Variants in SLC35G2 observed in about 807,000 individuals in gnomAD.
SLC35G2 encodes the protein solute carrier family 35 member G2, also known as transmembrane protein 22.
Under a neutral mutation model 27.2 loss-of-function variants are expected in SLC35G2, and 20 were observed. The ratio of observed to expected loss-of-function variants is 0.74; its 90% CI spans 0.52 to 1.07. SLC35G2 has a LOEUF of 1.07. Among genes scored for constraint, SLC35G2 ranks in the 50% least tolerant of loss-of-function variants. The pLI is 0.00. For synonymous variants in SLC35G2, 148 were observed against 165.3 expected (o/e 0.90, Z 0.80); for missense variants, 416 against 493.3 (o/e 0.84, Z 1.48).
Position 136,819,586 on chromosome 3 carries a change from G to T in SLC35G2, c.-61G>T, listed in dbSNP as rs1016410500. The T allele has an allele frequency of 1.3e-5, 2 of 152,282 alleles. No individual in the cohort carries two copies. Among genetic ancestry groups the T allele is most frequent in the African/African-American group, 4.8e-5 (2 of 41,468 alleles). 9.4% of individuals were successfully genotyped at this position (152,282 alleles called of 1,614,324 possible). On this transcript the variant is annotated 5_prime_UTR_variant, in exon 1 of 2. Coordinates refer to ENST00000446465, the MANE Select transcript of SLC35G2 (RefSeq NM_025246.3). ...TGCAGCGTCCATGATGAAGGCCAGG[G>T]GCTGTTGCTTTCCTCTCGCCCAGTA...
Position 136,855,005 on chromosome 3 carries a change from C to T in SLC35G2, c.545C>T (p.Ala182Val). The change falls in exon 2 of 2, where the codon GCT becomes GTT. Residue 182 changes from alanine to valine, a missense_variant. Transcript: ENST00000446465. The stretch of plus-strand genomic sequence containing the variant: ...TGCAATGTCATTTCTATCACTTGTG[C>T]TTATACATCATTTTCAATAGTTCCT... The part of the protein sequence containing the change: ...GVCNVISITC[A>V]YTSFSIVPPS... 6.2e-7 allele frequency: 1 copy of T among 1,614,144 alleles called. No homozygotes were observed. The highest frequency in any genetic ancestry group is 8.5e-7 in the Non-Finnish European group (1 of 1,180,028).
intron 1 of SLC35G2, among the ~76,000 whole-genome samples, chr3:136,828,577 G>A (rs2107999020): frequency 1.3e-5 from 2 of 152,110 alleles, no homozygotes; most frequent in South Asian, 4.1e-4. Flanking sequence ...GGTTTTCATT[G>A]GCGTGGAATA....
At chr3:136,848,596 G>A (rs958536571) in intron 1 of SLC35G2, among the ~76,000 whole-genome samples, 5 of 152,158 alleles carry the variant, frequency 3.3e-5, no homozygotes, top group Non-Finnish European at 7.3e-5. Context: ...AGCCATCATA[G>A]TCATAAAAAA....
intron 1 of SLC35G2, among the ~76,000 whole-genome samples, chr3:136,823,033 G>A (rs1214384214): frequency 6.6e-6 from 1 of 152,166 alleles, no homozygotes; most frequent in Non-Finnish European, 1.5e-5. Context: ...CACCAACAAT[G>A]TGTGAGAGTT....
chr3:136,854,624 A>AAGGT lies in SLC35G2; in HGVS notation c.165_168dup (p.Leu57ArgfsTer5). 6.2e-7 allele frequency: 1 copy of AAGGT among 1,613,142 alleles called. No individual in the cohort carries two copies. The highest frequency in any genetic ancestry group is 2.2e-5 in the East Asian group (1 of 44,870). On this transcript the variant is annotated frameshift_variant, in exon 2 of 2. Coordinates refer to ENST00000446465, the MANE Select transcript of SLC35G2 (RefSeq NM_025246.3). LOFTEE classifies it high-confidence loss of function. The stretch of plus-strand genomic sequence containing the variant: ...AATTTTATGGAGGAAAATCCAAAGA[A>AAGGT]AGGTCTGCTGAGTGAAATGAAAAAA...
intron 1 of SLC35G2, chr3:136,820,219 G>C (rs964145036): frequency 2.0e-5 from 3 of 151,990 alleles, no homozygotes; most frequent in African/African-American, 7.3e-5. Flanking sequence ...CCAGAGGGCT[G>C]GGGGTAGGTC....
At chr3:136,832,938 G>A (rs796234398) in intron 1 of SLC35G2, among the ~76,000 whole-genome samples, 21 of 152,108 alleles carry the variant, frequency 1.4e-4, no homozygotes, top group African/African-American at 4.1e-4. Flanking sequence ...GCATGGTGGC[G>A]GGCGCCTGTA....
intron 1 of SLC35G2, among the ~76,000 whole-genome samples, chr3:136,852,053 T>C (rs77568377): frequency 0.013 from 2,008 of 152,296 alleles, 24 homozygotes; most frequent in Non-Finnish European, 0.021. Context: ...ATTTCTAGCT[T>C]GGGGAACTGG....
intron 1 of SLC35G2, among the ~76,000 whole-genome samples, chr3:136,853,429 A>G (rs1414594896): frequency 1.3e-5 from 2 of 152,106 alleles, no homozygotes; most frequent in Non-Finnish European, 2.9e-5. Context: ...ATAGCATAGT[A>G]TTCCATTGTA....
chr3:136,833,203 A>G (rs1343118717), intron 1 of SLC35G2, among the ~76,000 whole-genome samples: 3 of 152,118 alleles, frequency 2.0e-5, no homozygotes, highest in Non-Finnish European at 4.4e-5. Context: ...GAGAATTTAG[A>G]TGAGGAGGGT....
At chr3:136,836,164 A>G (rs1049179577) in intron 1 of SLC35G2, among the ~76,000 whole-genome samples, 4 of 152,088 alleles carry the variant, frequency 2.6e-5, no homozygotes, top group South Asian at 2.1e-4. Flanking sequence ...ATCTATTTAT[A>G]TATCTTTCTG....
In SLC35G2 at chr3:136,855,782, TTA is replaced by T. The variant is rs1194547846; in HGVS notation, c.*88_*89del. ...TGTTTACCTATGAATGTCTTTTGTGTTATATAACTGACAGAGTGCTATAAAAT... is the reference window on the plus strand; with the variant it reads ...TGTTTACCTATGAATGTCTTTTGTGTTATAACTGACAGAGTGCTATAAAAT... On this transcript the variant is annotated 3_prime_UTR_variant, in exon 2 of 2. Coordinates refer to ENST00000446465, the MANE Select transcript of SLC35G2 (RefSeq NM_025246.3). 1 of 1,095,930 alleles carries T rather than the reference TTA, an allele frequency of 9.1e-7. No individual in the cohort carries two copies. Among genetic ancestry groups the T allele is most frequent in the Non-Finnish European group, 1.4e-6 (1 of 730,532 alleles). 67.9% of individuals were successfully genotyped at this position (1,095,930 alleles called of 1,614,324 possible).
chr3:136,845,785 G>A (rs999616276), intron 1 of SLC35G2, among the ~76,000 whole-genome samples: 5 of 151,808 alleles, frequency 3.3e-5, no homozygotes, highest in East Asian at 1.9e-4. Context: ...TAGTAGAGAC[G>A]GGGTTTCACC....
intron 1 of SLC35G2, among the ~76,000 whole-genome samples, chr3:136,850,496 G>A (rs1271901259): frequency 6.6e-6 from 1 of 152,000 alleles, no homozygotes; most frequent in African/African-American, 2.4e-5. Flanking sequence ...TAGGGAAAAT[G>A]AGCCAAATAA....
intron 1 of SLC35G2, among the ~76,000 whole-genome samples, chr3:136,852,850 T>C (rs1445166851): frequency 1.6e-4 from 24 of 151,772 alleles, no homozygotes; most frequent in Admixed American, 1.6e-3. Context: ...AGGAAATTGT[T>C]GAAAGGAAGG....
chr3:136,826,508 G>A lies in SLC35G2; in HGVS notation c.-19+6880G>A, dbSNP rs1936589897. 2.6e-5 allele frequency among the ~76,000 whole-genome samples: 4 copies of A among 152,094 alleles called. No homozygotes were observed. The South Asian group carries it at 8.3e-4, about 32-fold the overall frequency. On this transcript the variant is annotated intron_variant, in intron 1 of 1. Transcript: ENST00000446465. The stretch of plus-strand genomic sequence containing the variant: ...GGATCAATCTTGGTGTTTTATATGT[G>A]TCTAGGAATTTATCCATTTCCTTTG...
intron 1 of SLC35G2, among the ~76,000 whole-genome samples, chr3:136,835,424 C>T (rs1936841200): frequency 6.9e-6 from 1 of 144,704 alleles, no homozygotes; most frequent in African/African-American, 2.6e-5. Flanking sequence ...AAATTGTATT[C>T]TTCCAAATGT....
In SLC35G2 at chr3:136,854,558, C is replaced by T. The variant is rs926935487; in HGVS notation, c.98C>T (p.Pro33Leu). Residue 33 changes from proline to leucine, a missense_variant, in exon 2 of 2, where the codon CCT becomes CTT. Transcript: ENST00000446465. ...AAATATACTTCTCATTATCCCCAGC[C>T]TGGCGATGATGGATATGAAGAAATC... ...MVKYTSHYPQPGDDGYEEINE... is the reference protein window; with the variant it reads ...MVKYTSHYPQLGDDGYEEINE... 9.9e-6 allele frequency: 16 copies of T among 1,612,120 alleles called. No individual in the cohort carries two copies. The highest frequency in any genetic ancestry group is 1.4e-5 in the Non-Finnish European group (16 of 1,179,564).
At chr3:136,841,206 G>A (rs535591928) in intron 1 of SLC35G2, among the ~76,000 whole-genome samples, 2 of 152,118 alleles carry the variant, frequency 1.3e-5, no homozygotes, top group East Asian at 1.9e-4. Context: ...AGTGGCTATG[G>A]AAATAAAAGT....
Sources: allele counts gnomAD v4.1 joint callset (sites outside exome capture counted in the v4.1 genomes callset), GRCh38; gene constraint gnomAD v4.1.1; transcripts MANE v1.5; gene names NCBI Gene and HGNC (gene_info 2026-07-23, HGNC 2026-07-21).